Variants in PPP1R37 observed in about 807,000 individuals in gnomAD.
PPP1R37 encodes protein phosphatase 1 regulatory subunit 37, also known as leucine rich repeat containing 68.
Under a neutral mutation model 61.0 loss-of-function variants are expected in PPP1R37, and 21 were observed. The ratio of observed to expected loss-of-function variants is 0.34; its 90% confidence interval spans 0.24 to 0.50. PPP1R37 has a LOEUF of 0.50. PPP1R37 is among the 20% of genes least tolerant of loss of function. The pLI is 0.98. For synonymous variants in PPP1R37, 443 were observed against 433.5 expected (o/e 1.02, Z -0.27); for missense variants, 910 against 952.7 (o/e 0.96, Z 0.59).
chr19:45,138,496 G>C lies in PPP1R37; in HGVS notation c.203-18G>C. The C allele has an allele frequency of 6.5e-7, 1 of 1,530,010 alleles. No individual in the cohort carries two copies. The highest frequency in any genetic ancestry group is 8.8e-7 in the Non-Finnish European group (1 of 1,141,598). 94.8% of individuals were successfully genotyped at this position (1,530,010 alleles called of 1,614,324 possible). ...CGGGGTGTGGACAGTCACAGGCCTG[G>C]GTCCCCTGTGCCTGCAGCCCAGAAT... On this transcript the variant is annotated intron_variant, in intron 1 of 12. Transcript: ENST00000221462.
At chr19:45,120,607 A>G (rs1423407913) in intron 1 of PPP1R37, among the ~76,000 whole-genome samples, 1 of 152,104 alleles carries the variant, frequency 6.6e-6, no homozygotes, top group Non-Finnish European at 1.5e-5. Context: ...CCAGGTGTGT[A>G]ATTGCTAATC....
chr19:45,146,621 T>C lies in PPP1R37; in HGVS notation c.*59T>C. The C allele has an allele frequency of 1.6e-6, 1 of 629,686 alleles. No individual in the cohort carries two copies. The highest frequency in any genetic ancestry group is 2.7e-6 in the Non-Finnish European group (1 of 367,744). The allele number at this position is 629,686 out of a possible 1,614,324, so 39.0% of individuals were successfully genotyped here. A position where few individuals can be genotyped will look rare whatever the true frequency, so the allele number is the denominator to read the frequency against. On this transcript the variant is annotated 3_prime_UTR_variant, in exon 13 of 13. Transcript: ENST00000221462. ...TGAGCTGAGGCCAGAGCCATGAGAA[T>C]CTGCTCACCTTCCCCCCAGCCTTCC... is the stretch of plus-strand genomic sequence containing the variant.
At chr19:45,111,727 C>T (rs1467765848) in intron 1 of PPP1R37, among the ~76,000 whole-genome samples, 1 of 151,794 alleles carries the variant, frequency 6.6e-6, no homozygotes, top group Non-Finnish European at 1.5e-5. Flanking sequence ...GGAGGGAGCC[C>T]ACTGTCCTGA....
At chr19:45,116,323 C>G (rs923542877) in intron 1 of PPP1R37, among the ~76,000 whole-genome samples, 6 of 152,220 alleles carry the variant, frequency 3.9e-5, no homozygotes, top group Admixed American at 3.3e-4. Context: ...AGTGGGCAGG[C>G]CTTGCCCACA....
intron 1 of PPP1R37, among the ~76,000 whole-genome samples, chr19:45,133,343 C>G (rs1447253388): frequency 2.6e-5 from 4 of 152,236 alleles, no homozygotes; most frequent in Non-Finnish European, 4.4e-5. Flanking sequence ...CTCAGCCTCC[C>G]AAAGTGCTGG....
rs1314272248 is a variant in PPP1R37, at chr19:45,144,759, G to A, written c.988-95G>A. On this transcript the variant is annotated intron_variant, in intron 8 of 12. Transcript: ENST00000221462. ...CGCGCGAAAGAAAAGGAGCGCCCGG[G>A]CCTGGCTCTCTTCCCGGCTTCTTTC... is the stretch of plus-strand genomic sequence containing the variant. 11 of 1,094,034 alleles carry A rather than the reference G, an allele frequency of 1.0e-5. No individual in the cohort carries two copies. In the East Asian group the frequency reaches 2.8e-4, roughly 28 times the overall value. 67.8% of individuals were successfully genotyped at this position (1,094,034 alleles called of 1,614,324 possible). A position where few individuals can be genotyped will look rare whatever the true frequency, so the allele number is the denominator to read the frequency against.
intron 1 of PPP1R37, among the ~76,000 whole-genome samples, chr19:45,095,676 T>A (rs893277016): frequency 2.0e-4 from 30 of 149,796 alleles, no homozygotes; most frequent in Non-Finnish European, 3.7e-4. Context: ...AGTGGGAGGA[T>A]CATTTGAGCC....
chr19:45,095,758 T>TAAAA lies in PPP1R37; in HGVS notation c.202+2248_202+2251dup, dbSNP rs371559844. Among the ~76,000 whole-genome samples, 474 of 117,082 alleles carry TAAAA rather than the reference T, an allele frequency of 4.0e-3. 2 individuals are homozygous for TAAAA. Among genetic ancestry groups the TAAAA allele is most frequent in the African/African-American group, 0.013 (404 of 31,546 alleles). 76.8% of individuals were successfully genotyped at this position (117,082 alleles called of 152,430 possible). ...AGCTTGGGTGACAGAGACCCGGTCT[T>TAAAA]AAAAAAAAAAAAAAAAAAAAGAGTT... On this transcript the variant is annotated intron_variant, in intron 1 of 12. Transcript: ENST00000221462.
intron 1 of PPP1R37, among the ~76,000 whole-genome samples, chr19:45,131,311 C>T (rs1381502598): frequency 6.6e-6 from 1 of 152,182 alleles, no homozygotes; most frequent in Admixed American, 6.5e-5. Flanking sequence ...AGCAGCATCT[C>T]TCCCTGGAGC....
At chr19:45,102,735 G>A (rs1568439648) in intron 1 of PPP1R37, among the ~76,000 whole-genome samples, 1 of 151,980 alleles carries the variant, frequency 6.6e-6, no homozygotes, top group East Asian at 1.9e-4. Context: ...TGCCAGATGA[G>A]GACTCTCTCA....
chr19:45,144,628 G>C, intron 8 of PPP1R37: 1 of 536,834 alleles, frequency 1.9e-6, no homozygotes, highest in Non-Finnish European at 3.3e-6. Flanking sequence ...GGTGCCTGGG[G>C]AGCTGGGAGT....
At position 45,144,737 on chromosome 19, in the gene PPP1R37, G is replaced by C. The variant is rs1968661664; in HGVS notation, c.988-117G>C. On this transcript the variant is annotated intron_variant, in intron 8 of 12. Transcript: ENST00000221462. ...ACGGCGCCGGTGTTCACGCAGGCGC[G>C]CGAAAGAAAAGGAGCGCCCGGGCCT... The C allele has an allele frequency of 2.4e-5, 21 of 865,448 alleles. 1 individual carries two copies. In the South Asian group the frequency reaches 3.8e-4, roughly 16 times the overall value. 53.6% of individuals were successfully genotyped at this position (865,448 alleles called of 1,614,324 possible).
At chr19:45,108,425 C>T (rs1968160065) in intron 1 of PPP1R37, among the ~76,000 whole-genome samples, 1 of 151,384 alleles carries the variant, frequency 6.6e-6, no homozygotes, top group African/African-American at 2.4e-5. Flanking sequence ...CCAGGCTGGT[C>T]TCAAACTCCT....
At chr19:45,111,393 G>A (rs1968198523) in intron 1 of PPP1R37, among the ~76,000 whole-genome samples, 1 of 152,044 alleles carries the variant, frequency 6.6e-6, no homozygotes, top group African/African-American at 2.4e-5. Context: ...TCCAGCCACA[G>A]CCTCCTGAGT....
chr19:45,125,423 ACTG>A (rs1337311957), intron 1 of PPP1R37, among the ~76,000 whole-genome samples: 18 of 152,222 alleles, frequency 1.2e-4, no homozygotes, highest in African/African-American at 4.3e-4. Flanking sequence ...AGATCACACC[ACTG>A]CACTCCAGCC....
At chr19:45,100,850 G>A (rs1221935817) in intron 1 of PPP1R37, among the ~76,000 whole-genome samples, 2 of 152,176 alleles carry the variant, frequency 1.3e-5, no homozygotes, top group South Asian at 2.1e-4. Flanking sequence ...CTGGAGATTT[G>A]TGCTGCTCCT....
At chr19:45,105,600 C>T (rs114052474) in intron 1 of PPP1R37, among the ~76,000 whole-genome samples, 1,921 of 152,216 alleles carry the variant, frequency 0.013, 48 homozygotes, top group African/African-American at 0.044. Flanking sequence ...GTGTCAGGGG[C>T]GACCGGCCAC....
intron 1 of PPP1R37, among the ~76,000 whole-genome samples, chr19:45,120,220 T>C (rs1205692782): frequency 1.3e-5 from 2 of 152,124 alleles, no homozygotes; most frequent in Non-Finnish European, 2.9e-5. Context: ...GGTTTCACTG[T>C]GTTAGCCAGG....
intron 1 of PPP1R37, among the ~76,000 whole-genome samples, chr19:45,096,375 G>C (rs1435036452): frequency 1.3e-5 from 2 of 152,176 alleles, no homozygotes; most frequent in African/African-American, 4.8e-5. Context: ...TCCCAGAACA[G>C]GTTTGGCTTT....
Sources: allele counts gnomAD v4.1 joint callset (sites outside exome capture counted in the v4.1 genomes callset), GRCh38; gene constraint gnomAD v4.1.1; transcripts MANE v1.5; gene names NCBI Gene and HGNC (gene_info 2026-07-23, HGNC 2026-07-21).